The following NRXN3 variants were observed in gnomAD, a reference collection of about 807,000 sequenced individuals.
The protein encoded by NRXN3 is neurexin III.
Under a neutral mutation model 137.6 loss-of-function variants are expected in NRXN3, and 32 were observed. That is an observed-to-expected ratio of 0.23 (90% confidence interval 0.18 to 0.31). NRXN3 has a LOEUF of 0.31. NRXN3 is among the 10% of genes least tolerant of loss of function. The probability of loss-of-function intolerance (pLI) is 1.00; values close to 1 mark genes in which losing one functional copy is unlikely to be tolerated. For missense variants in NRXN3, 1,574 were observed against 2,062.5 expected, an observed-to-expected ratio of 0.76 and a Z score of 4.59; for synonymous variants, 798 against 784.5, an observed-to-expected ratio of 1.02 and a Z score of -0.29.
At chr14:79,363,419 C>T (rs1370719016) in intron 15 of NRXN3, among the ~76,000 whole-genome samples, 5 of 152,166 alleles carry the variant, frequency 3.3e-5, no homozygotes. Context: ...ACATATTCTT[C>T]CGCATCCTTC....
chr14:78,249,065 C>A (rs2068169683), intron 2 of NRXN3, among the ~76,000 whole-genome samples: 1 of 152,180 alleles, frequency 6.6e-6, no homozygotes, highest in Non-Finnish European at 1.5e-5. Flanking sequence ...TTCAATTATC[C>A]CTCTTTTAAC....
At chr14:79,582,545 C>T (rs866372416) in intron 16 of NRXN3, among the ~76,000 whole-genome samples, 2 of 151,998 alleles carry the variant, frequency 1.3e-5, no homozygotes, top group East Asian at 1.9e-4. Context: ...CTCAGCCTCC[C>T]GAGTAGCTGG....
In NRXN3 at chr14:79,864,003, A is replaced by ATTAC; in HGVS notation, c.*2041_*2042insACTT. The ATTAC allele has an allele frequency of 6.6e-6, 1 of 152,398 alleles. No individual in the cohort carries two copies. The highest frequency in any genetic ancestry group is 2.1e-4 in the South Asian group (1 of 4,806). The allele number at this position is 152,398 out of a possible 1,614,324, so 9.4% of individuals were successfully genotyped here. A position where few individuals can be genotyped will look rare whatever the true frequency, so the allele number is the denominator to read the frequency against. Reference sequence around the variant, plus strand: ...AATATTTCAATGTGTTAAGAGTTTAATTTTTTTGTTATCATTAAAAAAGAC... The same window carrying ATTAC: ...AATATTTCAATGTGTTAAGAGTTTAATTACTTTTTTTGTTATCATTAAAAAAGAC... On this transcript the variant is annotated 3_prime_UTR_variant, in exon 21 of 21. Coordinates refer to ENST00000335750, the MANE Select transcript of NRXN3 (RefSeq NM_001330195.2).
At chr14:78,746,272 A>G (rs2098606640) in intron 8 of NRXN3, among the ~76,000 whole-genome samples, 1 of 152,196 alleles carries the variant, frequency 6.6e-6, no homozygotes, top group African/African-American at 2.4e-5. Context: ...GAAATGGCAT[A>G]GGCTGGTGGC....
intron 4 of NRXN3, among the ~76,000 whole-genome samples, chr14:78,480,575 T>A (rs756581166): frequency 2.6e-5 from 4 of 152,206 alleles, no homozygotes; most frequent in African/African-American, 4.8e-5. Context: ...CCTGAGTTGC[T>A]AATAAACAAT....
intron 4 of NRXN3, among the ~76,000 whole-genome samples, chr14:78,496,430 G>C (rs1309921013): frequency 6.6e-6 from 1 of 152,140 alleles, no homozygotes; most frequent in Non-Finnish European, 1.5e-5. Context: ...AGAATGGAGA[G>C]TTAATTAGAT....
chr14:79,045,774 C>T (rs1199512144), intron 15 of NRXN3, among the ~76,000 whole-genome samples: 2 of 152,126 alleles, frequency 1.3e-5, no homozygotes, highest in Non-Finnish European at 2.9e-5. Flanking sequence ...CTCCAGTTGC[C>T]GCTTGGTGTG....
At chr14:79,097,496 A>C (rs765276170) in intron 15 of NRXN3, among the ~76,000 whole-genome samples, 1 of 152,180 alleles carries the variant, frequency 6.6e-6, no homozygotes, top group Admixed American at 6.5e-5. Flanking sequence ...TCAAGAAAGA[A>C]TTTCTGACAA....
chr14:78,613,256 C>G (rs879011537), intron 4 of NRXN3, among the ~76,000 whole-genome samples: 1 of 152,056 alleles, frequency 6.6e-6, no homozygotes, highest in Non-Finnish European at 1.5e-5. Context: ...GTATTTATGC[C>G]ATTTTAGTAG....
At chr14:79,609,335 C>G (rs923323210) in intron 16 of NRXN3, among the ~76,000 whole-genome samples, 3 of 152,150 alleles carry the variant, frequency 2.0e-5, no homozygotes, top group African/African-American at 7.2e-5. Flanking sequence ...TATATTCTTT[C>G]AGAGAAAACC....
At chr14:79,092,401 G>A (rs75749254) in intron 15 of NRXN3, among the ~76,000 whole-genome samples, 9,747 of 152,114 alleles carry the variant, frequency 0.064, 880 homozygotes, top group African/African-American at 0.2. Context: ...AACCTTAGTC[G>A]CCTCTCAAGT....
At chr14:79,750,320 A>G (rs7144518) in intron 19 of NRXN3, among the ~76,000 whole-genome samples, 94,764 of 151,932 alleles carry the variant, frequency 0.62, 30,323 homozygotes, top group Middle Eastern at 0.77. Flanking sequence ...GTAAACAAGG[A>G]CACATTAAAT....
intron 15 of NRXN3, among the ~76,000 whole-genome samples, chr14:79,458,229 G>T (rs1480544952): frequency 6.6e-6 from 1 of 152,012 alleles, no homozygotes; most frequent in African/African-American, 2.4e-5. Context: ...ACTAAAAATG[G>T]GTGTGATTTT....
At chr14:79,844,558 C>T (rs946719248) in intron 20 of NRXN3, among the ~76,000 whole-genome samples, 3 of 152,002 alleles carry the variant, frequency 2.0e-5, no homozygotes, top group African/African-American at 7.3e-5. Context: ...TCCATCAGAG[C>T]TCTTGGATGA....
intron 6 of NRXN3, among the ~76,000 whole-genome samples, chr14:78,705,560 T>C (rs2098338046): frequency 6.6e-6 from 1 of 152,112 alleles, no homozygotes; most frequent in Non-Finnish European, 1.5e-5. Context: ...CCCAACACCA[T>C]GGGAGATGAA....
chr14:78,445,708 T>C, intron 4 of NRXN3, among the ~76,000 whole-genome samples: 1 of 152,168 alleles, frequency 6.6e-6, no homozygotes, highest in Non-Finnish European at 1.5e-5. Context: ...TTCACTGTGA[T>C]AGTTGAAAAA....
At chr14:79,256,207 C>T (rs72688963) in intron 15 of NRXN3, among the ~76,000 whole-genome samples, 1 of 151,002 alleles carries the variant, frequency 6.6e-6, no homozygotes, top group Non-Finnish European at 1.5e-5. Context: ...ACACACACAC[C>T]CCCCAGAAGA....
chr14:78,575,746 G>T (rs1406741518), intron 4 of NRXN3, among the ~76,000 whole-genome samples: 1 of 152,124 alleles, frequency 6.6e-6, no homozygotes, highest in Admixed American at 6.6e-5. Flanking sequence ...TAGTACAAGC[G>T]GGGGTGGTGG....
intron 20 of NRXN3, among the ~76,000 whole-genome samples, chr14:79,832,954 A>C (rs1268096685): frequency 6.6e-6 from 1 of 152,188 alleles, no homozygotes; most frequent in African/African-American, 2.4e-5. Flanking sequence ...TATGGTTTTA[A>C]ATGAATGCTC....
Sources: allele counts gnomAD v4.1 joint callset (sites outside exome capture counted in the v4.1 genomes callset), GRCh38; gene constraint gnomAD v4.1.1; transcripts MANE v1.5; gene names NCBI Gene and HGNC (gene_info 2026-07-23, HGNC 2026-07-21).